The following EPHA7 variants were observed in gnomAD, a reference collection of about 807,000 sequenced individuals.
EPHA7 encodes the protein ephrin type-A receptor 7.
In EPHA7, 25 loss-of-function variants were observed where a neutral mutation model predicts 112.6. The observed-to-expected ratio is 0.22, with a 90% confidence interval of 0.16 to 0.31. The LOEUF is 0.31. EPHA7 is among the 10% of genes least tolerant of loss of function. The pLI is 1.00. For synonymous variants in EPHA7, 437 were observed against 406.5 expected, an observed-to-expected ratio of 1.07 and a Z score of -0.90; for missense variants, 962 against 1,212.6, an observed-to-expected ratio of 0.79 and a Z score of 3.07.
At chr6:93,283,679 C>T (rs1338552762) in intron 5 of EPHA7, among the ~76,000 whole-genome samples, 3 of 152,136 alleles carry the variant, frequency 2.0e-5, no homozygotes, top group Admixed American at 6.5e-5. Context: ...AAGGAAGAAA[C>T]TCCAAACACA....
chr6:93,367,085 T>C (rs999905251), intron 3 of EPHA7, among the ~76,000 whole-genome samples: 26 of 152,250 alleles, frequency 1.7e-4, no homozygotes, highest in Admixed American at 1.7e-3. Flanking sequence ...TAGAGGAAGT[T>C]AGCTTAATAA....
At chr6:93,403,818 G>A (rs351325) in intron 3 of EPHA7, among the ~76,000 whole-genome samples, 15,288 of 152,048 alleles carry the variant, frequency 0.1, 2,497 homozygotes, top group African/African-American at 0.35. Context: ...TAAGAACAAG[G>A]AGAATGGTAC....
chr6:93,269,446 G>A (rs779463679), intron 7 of EPHA7, 31 bp downstream of exon 7: 2 of 1,592,862 alleles, frequency 1.3e-6, no homozygotes, highest in African/African-American at 1.4e-5. Context: ...GAGTTATTGA[G>A]AGTAGGAATC....
chr6:93,240,763 A>T lies in EPHA7; in HGVS notation c.*2663T>A, dbSNP rs1490625190. The T allele has an allele frequency of 4.7e-6, 1 of 213,238 alleles. No individual in the cohort carries two copies. Among genetic ancestry groups the T allele is most frequent in the Admixed American group, 5.9e-5 (1 of 17,062 alleles). 13.2% of individuals were successfully genotyped at this position (213,238 alleles called of 1,614,324 possible). A position where few individuals can be genotyped will look rare whatever the true frequency, so the allele number is the denominator to read the frequency against. Reference sequence around the variant, plus strand: ...TAATTTATTTAAAAAAAAAGATTTCAAGGTGCAAGTTGTACATTCTTATCG... The same window carrying T: ...TAATTTATTTAAAAAAAAAGATTTCTAGGTGCAAGTTGTACATTCTTATCG... On this transcript the variant is annotated 3_prime_UTR_variant, in exon 17 of 17. Transcript: ENST00000369303.
chr6:93,395,575 T>TCACACACACACACACACACA (rs4053540), intron 3 of EPHA7, among the ~76,000 whole-genome samples: 2 of 145,440 alleles, frequency 1.4e-5, no homozygotes, highest in East Asian at 4.1e-4. Flanking sequence ...TTTACTTATT[T>TCACACACACACACACACACA]CACACACACA....
chr6:93,373,938 T>A (rs1024459632), intron 3 of EPHA7, among the ~76,000 whole-genome samples: 3 of 152,032 alleles, frequency 2.0e-5, no homozygotes, highest in African/African-American at 7.2e-5. Context: ...GTTTCATAAA[T>A]ACATCAATTA....
At chr6:93,272,181 T>C (rs1771255589) in intron 6 of EPHA7, 117 bp downstream of exon 6, 1 of 1,126,364 alleles carries the variant, frequency 8.9e-7, no homozygotes, top group Non-Finnish European at 1.3e-6. Context: ...TAAAATTAAC[T>C]ACGAAGTTTG....
chr6:93,372,286 T>C (rs1367906346), intron 3 of EPHA7, among the ~76,000 whole-genome samples: 2 of 152,096 alleles, frequency 1.3e-5, no homozygotes, highest in Non-Finnish European at 2.9e-5. Flanking sequence ...ATACTACCTA[T>C]GGCACAGCAA....
intron 16 of EPHA7, 117 bp from the exon 17 acceptor site, chr6:93,243,657 T>C (rs550727559): frequency 7.5e-5 from 52 of 688,844 alleles, no homozygotes; most frequent in Non-Finnish European, 1.3e-4. Context: ...CTTATCTTAG[T>C]GTTCTTGGGT....
chr6:93,269,420 AT>A (rs1771102172), intron 7 of EPHA7, 56 bp downstream of exon 7: 39 of 1,463,780 alleles, frequency 2.7e-5, no homozygotes, highest in Non-Finnish European at 3.5e-5. Flanking sequence ...ATTGAAAAAA[AT>A]ATTAATATAT....
At chr6:93,386,867 G>T (rs966533432) in intron 3 of EPHA7, among the ~76,000 whole-genome samples, 3 of 152,094 alleles carry the variant, frequency 2.0e-5, no homozygotes, top group Non-Finnish European at 2.9e-5. Context: ...TTTAGCCACA[G>T]ATGGAAGGGC....
intron 1 of EPHA7, among the ~76,000 whole-genome samples, chr6:93,418,001 C>G (rs1213417633): frequency 1.3e-5 from 2 of 151,988 alleles, no homozygotes; most frequent in African/African-American, 2.4e-5. Flanking sequence ...AATCAAGGAC[C>G]TATATGTAAG....
intron 10 of EPHA7, among the ~76,000 whole-genome samples, chr6:93,258,907 T>C (rs1770565954): frequency 6.6e-6 from 1 of 151,808 alleles, no homozygotes; most frequent in Admixed American, 6.6e-5. Context: ...CTTTAATTCA[T>C]ACACATTAAT....
chr6:93,407,522 A>G (rs2127992574), intron 3 of EPHA7, among the ~76,000 whole-genome samples: 1 of 152,188 alleles, frequency 6.6e-6, no homozygotes, highest in South Asian at 2.1e-4. Context: ...TTTTGTCAAC[A>G]TCACCAAGGC....
intron 5 of EPHA7, among the ~76,000 whole-genome samples, chr6:93,320,359 T>C (rs1181066704): frequency 2.0e-5 from 3 of 152,088 alleles, no homozygotes; most frequent in Admixed American, 1.3e-4. Flanking sequence ...AGATTCAGTA[T>C]ATTAGTTTTT....
At chr6:93,338,420 A>T (rs1045752443) in intron 5 of EPHA7, among the ~76,000 whole-genome samples, 1 of 152,104 alleles carries the variant, frequency 6.6e-6, no homozygotes, top group Non-Finnish European at 1.5e-5. Flanking sequence ...GCTCCTACAA[A>T]GTTACAGAGG....
At chr6:93,311,341 C>T (rs1474998213) in intron 5 of EPHA7, among the ~76,000 whole-genome samples, 3 of 151,988 alleles carry the variant, frequency 2.0e-5, no homozygotes, top group Admixed American at 6.6e-5. Context: ...ACTGCTTTAT[C>T]AGCTAAGTTT....
rs139706136 is a variant in EPHA7, at chr6:93,353,734, C to G, written c.1324+2983G>C. Among the ~76,000 whole-genome samples the G allele has an allele frequency of 6.0e-4, 91 of 152,114 alleles. 1 individual carries two copies. The East Asian group carries it at 0.017, about 29-fold the overall frequency. On this transcript the variant is annotated intron_variant, in intron 5 of 16. Transcript: ENST00000369303. Reference sequence around the variant, plus strand: ...AGGAAGGTAGATATTATTTTATCCCCATTTTTTTTTTCATGAGGAGTTTAG... The same window carrying G: ...AGGAAGGTAGATATTATTTTATCCCGATTTTTTTTTTCATGAGGAGTTTAG...
At chr6:93,387,916 T>TAGAC (rs1554189075) in intron 3 of EPHA7, among the ~76,000 whole-genome samples, 7 of 76,074 alleles carry the variant, frequency 9.2e-5, no homozygotes, top group South Asian at 4.5e-4. Flanking sequence ...CCATCTTAGA[T>TAGAC]AGATAGACAG....
Sources: allele counts gnomAD v4.1 joint callset (sites outside exome capture counted in the v4.1 genomes callset), GRCh38; gene constraint gnomAD v4.1.1; transcripts MANE v1.5; gene names NCBI Gene and HGNC (gene_info 2026-07-23, HGNC 2026-07-21).